Variants in SIK3 observed in about 807,000 individuals in gnomAD.
The protein encoded by SIK3 is serine/threonine-protein kinase SIK3.
In SIK3, 28 loss-of-function variants were observed where a neutral mutation model predicts 144.2. That is an observed-to-expected ratio of 0.19 (90% CI 0.14 to 0.27). SIK3 has a LOEUF of 0.27. Ranked by LOEUF, SIK3 falls within the 10% of genes least tolerant of loss-of-function variation. The probability of loss-of-function intolerance (pLI) is 1.00; values close to 1 mark genes in which losing one functional copy is unlikely to be tolerated. For synonymous variants in SIK3, 686 were observed against 676.3 expected (o/e 1.01, Z -0.22); for missense variants, 1,319 against 1,776.0 (o/e 0.74, Z 4.62).
chr11:116,987,072 G>A (rs1018791971), intron 1 of SIK3, among the ~76,000 whole-genome samples: 1 of 152,230 alleles, frequency 6.6e-6, no homozygotes, highest in South Asian at 2.1e-4. Context: ...CTTAACACTA[G>A]TGAACCGTAC....
intron 1 of SIK3, among the ~76,000 whole-genome samples, chr11:116,972,854 T>C (rs1172616261): frequency 6.6e-6 from 1 of 152,092 alleles, no homozygotes; most frequent in East Asian, 1.9e-4. Context: ...CTTTATGTAA[T>C]ATCCTCCCTT....
chr11:117,090,189 G>A (rs1483143508), intron 1 of SIK3, among the ~76,000 whole-genome samples: 1 of 152,054 alleles, frequency 6.6e-6, no homozygotes, highest in African/African-American at 2.4e-5. Context: ...TCACCCTCTT[G>A]ATGTTATCAG....
chr11:116,998,883 A>G (rs566848645), intron 1 of SIK3, among the ~76,000 whole-genome samples: 103 of 152,376 alleles, frequency 6.8e-4, no homozygotes, highest in Non-Finnish European at 7.5e-4. Flanking sequence ...ATAGAAACTT[A>G]GTCAAAATCC....
At chr11:116,856,518 A>T (rs1396010461) in intron 21 of SIK3, among the ~76,000 whole-genome samples, 2 of 152,140 alleles carry the variant, frequency 1.3e-5, no homozygotes, top group East Asian at 3.9e-4. Flanking sequence ...TCCCAATCCT[A>T]AACACCCTCA....
intron 3 of SIK3, among the ~76,000 whole-genome samples, chr11:116,948,130 G>A (rs913522810): frequency 2.6e-5 from 4 of 151,014 alleles, no homozygotes; most frequent in Non-Finnish European, 5.9e-5. Flanking sequence ...TAGAGATGGT[G>A]TTTCACCATG....
At chr11:117,022,626 C>T (rs578035301) in intron 1 of SIK3, among the ~76,000 whole-genome samples, 2 of 152,308 alleles carry the variant, frequency 1.3e-5, no homozygotes, top group East Asian at 3.9e-4. Flanking sequence ...AGAGCTGCCC[C>T]ATCCATCAGC....
At chr11:117,007,490 A>T (rs1448022504) in intron 1 of SIK3, among the ~76,000 whole-genome samples, 2 of 152,198 alleles carry the variant, frequency 1.3e-5, no homozygotes, top group Non-Finnish European at 2.9e-5. Flanking sequence ...CACCAATTCA[A>T]AGCAACACAC....
chr11:116,957,953 T>C (rs563383160), intron 1 of SIK3, among the ~76,000 whole-genome samples: 9 of 152,350 alleles, frequency 5.9e-5, no homozygotes, highest in African/African-American at 1.9e-4. Flanking sequence ...TACATTTTAA[T>C]GAAGAATGAA....
intron 1 of SIK3, among the ~76,000 whole-genome samples, chr11:116,980,842 C>A (rs1373503250): frequency 6.6e-6 from 1 of 151,634 alleles, no homozygotes; most frequent in Non-Finnish European, 1.5e-5. Flanking sequence ...CAGAGCAAGA[C>A]CCTGTCTCGA....
At chr11:116,907,848 C>G (rs1946126502) in intron 4 of SIK3, among the ~76,000 whole-genome samples, 1 of 151,964 alleles carries the variant, frequency 6.6e-6, no homozygotes, top group South Asian at 2.1e-4. Flanking sequence ...GGATAAATTT[C>G]TCAAAAAGTG....
intron 1 of SIK3, among the ~76,000 whole-genome samples, chr11:116,959,287 C>A (rs949663524): frequency 6.6e-6 from 1 of 151,978 alleles, no homozygotes; most frequent in African/African-American, 2.4e-5. Context: ...GAGCTATGAT[C>A]GTGCCAGCAA....
At chr11:116,893,603 TC>T (rs1945245872) in intron 6 of SIK3, among the ~76,000 whole-genome samples, 1 of 150,666 alleles carries the variant, frequency 6.6e-6, no homozygotes, top group Non-Finnish European at 1.5e-5. Context: ...GCCTGGGAGG[TC>T]CAGCTGCAGT....
rs111841588 is a variant in SIK3 at position 117,081,011 on chromosome 11, G to A, written c.273+17132C>T. Among the ~76,000 whole-genome samples, 53 of 152,120 alleles carry A rather than the reference G, an allele frequency of 3.5e-4. 1 individual carries two copies. Among genetic ancestry groups the A allele is most frequent in the African/African-American group, 1.3e-3 (53 of 41,504 alleles). On this transcript the variant is annotated intron_variant, in intron 1 of 24. Transcript: ENST00000445177. ...TCAATAGGCTACTATGTAAAGTATA[G>A]TATATCCATAAAATAGAATACTCTG...
intron 3 of SIK3, among the ~76,000 whole-genome samples, chr11:116,930,706 C>T (rs12799198): frequency 0.15 from 23,486 of 152,088 alleles, 2,413 homozygotes; most frequent in Non-Finnish European, 0.23. Flanking sequence ...GACACAAATA[C>T]TACCCATATC....
At chr11:117,006,423 G>A (rs1164115359) in intron 1 of SIK3, among the ~76,000 whole-genome samples, 1 of 151,882 alleles carries the variant, frequency 6.6e-6, no homozygotes, top group East Asian at 1.9e-4. Flanking sequence ...ACTCCACTTG[G>A]AGACTACTCA....
chr11:116,846,707 T>C lies in SIK3; in HGVS notation c.3953-154A>G, dbSNP rs1244661676. Among the ~76,000 whole-genome samples, 1 of 152,160 alleles carries C rather than the reference T, an allele frequency of 6.6e-6. No homozygotes were observed. The highest frequency in any genetic ancestry group is 2.4e-5 in the African/African-American group (1 of 41,438). On this transcript the variant is annotated intron_variant, in intron 23 of 24. Coordinates refer to ENST00000445177, the MANE Select transcript of SIK3 (RefSeq NM_001366686.3). This position sits in a 1 kb window ranked among gnomAD's most constrained non-coding sequence, Gnocchi z 4.1. Reference sequence around the variant, plus strand: ...TAGCTCACAGCAGGCCCTCAAGGTGTTGAGTGACGATGGGCGGGGGCCAAG... The same window carrying C: ...TAGCTCACAGCAGGCCCTCAAGGTGCTGAGTGACGATGGGCGGGGGCCAAG...
At chr11:116,897,343 G>A (rs377453379) in intron 4 of SIK3, 26 bp from the exon 5 acceptor site, 27 of 1,604,240 alleles carry the variant, frequency 1.7e-5, no homozygotes, top group Middle Eastern at 1.7e-4. Flanking sequence ...GACATAATTC[G>A]TATTATTGTA....
intron 1 of SIK3, among the ~76,000 whole-genome samples, chr11:117,050,739 T>G (rs765457264): frequency 6.6e-6 from 1 of 152,162 alleles, no homozygotes; most frequent in Non-Finnish European, 1.5e-5. Flanking sequence ...TAAATAGTTT[T>G]TTTTTAATGG....
chr11:116,938,976 A>G (rs1450411363), intron 3 of SIK3, among the ~76,000 whole-genome samples: 1 of 152,198 alleles, frequency 6.6e-6, no homozygotes, highest in Non-Finnish European at 1.5e-5. Flanking sequence ...CAGAGAACCA[A>G]TTCATTATTC....
Sources: gnomAD v4.1 joint callset for allele counts (sites outside exome capture counted in the v4.1 genomes callset) on GRCh38, gnomAD v4.1.1 for gene constraint, Gnocchi (gnomAD v3.1) non-coding constraint, MANE v1.5 for transcripts, NCBI Gene and HGNC (gene_info 2026-07-23, HGNC 2026-07-21) for gene names.